Variants in HECTD2 observed in about 807,000 individuals in gnomAD.
The protein encoded by HECTD2 is HECT domain E3 ubiquitin protein ligase 2, also known as probable E3 ubiquitin-protein ligase HECTD2.
Under a neutral mutation model 103.2 loss-of-function variants are expected in HECTD2, and 35 were observed. The observed-to-expected ratio is 0.34, with a 90% CI of 0.26 to 0.45. HECTD2 has a LOEUF of 0.45. Ranked by LOEUF, HECTD2 falls within the 20% of genes least tolerant of loss-of-function variation. The pLI, the probability that HECTD2 is intolerant of heterozygous loss-of-function variation, is 1.00. For missense variants in HECTD2, 596 were observed against 937.4 expected, an observed-to-expected ratio of 0.64 and a Z score of 4.76; for synonymous variants, 281 against 329.9, an observed-to-expected ratio of 0.85 and a Z score of 1.61.
At chr10:91,505,029 A>C (rs544418583) in intron 20 of HECTD2, among the ~76,000 whole-genome samples, 4 of 152,330 alleles carry the variant, frequency 2.6e-5, no homozygotes, top group South Asian at 2.1e-4. Context: ...ACTAAGCTTC[A>C]TAAGTGAAGA....
chr10:91,462,210 A>G, intron 5 of HECTD2, 26 bp downstream of exon 5: 1 of 1,554,068 alleles, frequency 6.4e-7, no homozygotes, highest in East Asian at 2.4e-5. Flanking sequence ...TGCAAGTAAT[A>G]TTATTCTGTG....
At chr10:91,496,438 C>A in intron 15 of HECTD2, 66 bp downstream of exon 15, 1 of 1,014,506 alleles carries the variant, frequency 9.9e-7, no homozygotes, top group Non-Finnish European at 1.4e-6. Context: ...CCTGCACAGT[C>A]TCTCCTCCTA....
intron 5 of HECTD2, among the ~76,000 whole-genome samples, chr10:91,476,051 G>A (rs913199983): frequency 1.3e-5 from 2 of 152,312 alleles, no homozygotes; most frequent in African/African-American, 2.4e-5. Context: ...GCCTCTGAGG[G>A]CATAGAGCAA....
intron 5 of HECTD2, among the ~76,000 whole-genome samples, chr10:91,469,344 C>A (rs529382693): frequency 3.3e-5 from 5 of 152,298 alleles, no homozygotes; most frequent in African/African-American, 1.2e-4. Flanking sequence ...ATGTTAAAGG[C>A]AGCTACAGAG....
At position 91,460,525 on chromosome 10, in the gene HECTD2, C is replaced by T. The variant is rs1266456830; in HGVS notation, c.367C>T (p.Pro123Ser). 1.2e-6 allele frequency: 2 copies of T among 1,612,888 alleles called. No homozygotes were observed. Among genetic ancestry groups the T allele is most frequent in the Non-Finnish European group, 1.7e-6 (2 of 1,179,364 alleles). ...SEMKAPVLPE[P>S]ILPIQPKTVK... ...AATGAAGGCCCCAGTCCTTCCAGAA[C>T]CTATTCTTCCTATCCAGCCCAAAAC... The change falls in exon 3 of 21, where the codon CCT (proline) becomes TCT (serine). Residue 123 changes from proline (P) to serine (S), a missense_variant. Physicochemically the swap from Pro to Ser is moderately conservative, Grantham distance 74. Coordinates refer to ENST00000298068, the MANE Select transcript of HECTD2 (RefSeq NM_182765.6).
At chr10:91,424,536 C>T (rs1377659349) in intron 1 of HECTD2, among the ~76,000 whole-genome samples, 1 of 151,926 alleles carries the variant, frequency 6.6e-6, no homozygotes, top group African/African-American at 2.4e-5. Flanking sequence ...GAGAATAAGC[C>T]CTGAGGCAGC....
intron 2 of HECTD2, among the ~76,000 whole-genome samples, chr10:91,428,093 A>T (rs1843653553): frequency 6.6e-6 from 1 of 151,394 alleles, no homozygotes; most frequent in African/African-American, 2.4e-5. Context: ...CTTTCTACAT[A>T]TGGCTAGCCA....
intron 2 of HECTD2, among the ~76,000 whole-genome samples, chr10:91,457,713 C>G (rs986157620): frequency 2.0e-5 from 3 of 151,954 alleles, no homozygotes; most frequent in Non-Finnish European, 2.9e-5. Context: ...TTGTGAAAGA[C>G]TGAATGCTTT....
At chr10:91,413,142 T>G (rs1203224472) in intron 1 of HECTD2, among the ~76,000 whole-genome samples, 2 of 152,008 alleles carry the variant, frequency 1.3e-5, no homozygotes, top group East Asian at 1.9e-4. Context: ...CATTTATAAA[T>G]GAATATATAT....
intron 2 of HECTD2, among the ~76,000 whole-genome samples, chr10:91,453,823 G>C (rs1218588891): frequency 2.0e-5 from 3 of 152,092 alleles, no homozygotes; most frequent in Non-Finnish European, 4.4e-5. Flanking sequence ...AAGCAAGTTG[G>C]AAGTAAATGG....
intron 1 of HECTD2, among the ~76,000 whole-genome samples, chr10:91,418,349 T>C (rs1843215144): frequency 6.6e-6 from 1 of 152,208 alleles, no homozygotes; most frequent in Non-Finnish European, 1.5e-5. Context: ...CACCTTGCCT[T>C]CCTAGTGATA....
intron 1 of HECTD2, among the ~76,000 whole-genome samples, chr10:91,421,919 C>A (rs540405517): frequency 6.6e-6 from 1 of 152,160 alleles, no homozygotes; most frequent in South Asian, 2.1e-4. Context: ...CACCTGAAAT[C>A]GCTGTTAACA....
At chr10:91,462,038 T>C in intron 4 of HECTD2, 57 bp from the exon 5 acceptor site, 1 of 1,296,652 alleles carries the variant, frequency 7.7e-7, no homozygotes, top group African/African-American at 1.5e-5. Context: ...GTTCAAATTT[T>C]ACTAAGAATA....
chr10:91,472,841 TAGA>T (rs2133245771), intron 5 of HECTD2, among the ~76,000 whole-genome samples: 1 of 152,242 alleles, frequency 6.6e-6, no homozygotes, highest in East Asian at 1.9e-4. Flanking sequence ...AATAAATTTT[TAGA>T]AGTAGAGAAA....
At chr10:91,410,597 G>A (rs1329658664) in intron 1 of HECTD2, 21 bp downstream of exon 1, 2 of 1,207,610 alleles carry the variant, frequency 1.7e-6, no homozygotes, top group Admixed American at 7.1e-5. Flanking sequence ...GGCCGGGGCC[G>A]TCTGGCGCCC....
Position 91,425,276 on chromosome 10 carries a change from T to C in HECTD2, c.139-5T>C, listed in dbSNP as rs370486053. 30 of 1,473,744 alleles carry C rather than the reference T, an allele frequency of 2.0e-5. No homozygotes were observed. The highest frequency in any genetic ancestry group is 2.6e-5 in the Non-Finnish European group (29 of 1,103,760). The allele number at this position is 1,473,744 out of a possible 1,614,324, so 91.3% of individuals were successfully genotyped here. A position where few individuals can be genotyped will look rare whatever the true frequency, so the allele number is the denominator to read the frequency against. ...ATACTGCAATGTTAACTTTTCTGTTTTCAGGGTTTGGACAGAGGAGCCAAA... is the reference window on the plus strand; with the variant it reads ...ATACTGCAATGTTAACTTTTCTGTTCTCAGGGTTTGGACAGAGGAGCCAAA... On this transcript the variant is annotated splice_region_variant and splice_polypyrimidine_tract_variant and intron_variant, in intron 1 of 20. Coordinates refer to ENST00000298068, the MANE Select transcript of HECTD2 (RefSeq NM_182765.6).
chr10:91,487,841 A>G lies in HECTD2; in HGVS notation c.1191+63A>G. 1 of 931,256 alleles carries G rather than the reference A, an allele frequency of 1.1e-6. No homozygotes were observed. Among genetic ancestry groups the G allele is most frequent in the Non-Finnish European group, 1.6e-6 (1 of 622,238 alleles). 57.7% of individuals were successfully genotyped at this position (931,256 alleles called of 1,614,324 possible). ...ATCAGTATAGTAAATAATTTAATAAATAATTTAAATGTCTTGTGAATTGTT... is the reference window on the plus strand; with the variant it reads ...ATCAGTATAGTAAATAATTTAATAAGTAATTTAAATGTCTTGTGAATTGTT... On this transcript the variant is annotated intron_variant, in intron 11 of 20. Transcript: ENST00000298068. This position sits in a 1 kb window ranked among gnomAD's most constrained non-coding sequence, Gnocchi z 4.1.
chr10:91,486,798 A>C (rs888081047), intron 10 of HECTD2: 1 of 152,058 alleles, frequency 6.6e-6, no homozygotes, highest in African/African-American at 2.4e-5. Context: ...AGAACTCTCA[A>C]CTTTTATTAA....
intron 3 of HECTD2, among the ~76,000 whole-genome samples, chr10:91,461,040 T>C (rs1403659302): frequency 6.6e-6 from 1 of 152,190 alleles, no homozygotes; most frequent in East Asian, 1.9e-4. Flanking sequence ...TTAAGGATGA[T>C]CTTTTTTAAA....
Sources: gnomAD v4.1 joint callset for allele counts (sites outside exome capture counted in the v4.1 genomes callset) on GRCh38, gnomAD v4.1.1 for gene constraint, Gnocchi (gnomAD v3.1) non-coding constraint, MANE v1.5 for transcripts, NCBI Gene and HGNC (gene_info 2026-07-23, HGNC 2026-07-21) for gene names.